Variants in KCNH1 observed in about 807,000 individuals in gnomAD.
The protein encoded by KCNH1 is voltage-gated delayed rectifier potassium channel KCNH1.
In KCNH1, 27 loss-of-function variants were observed where a neutral mutation model predicts 69.2. That is an observed-to-expected ratio of 0.39 (90% CI 0.29 to 0.54). KCNH1 has a LOEUF of 0.54. Among genes scored for constraint, KCNH1 ranks in the 20% least tolerant of loss-of-function variants. The pLI is 0.68. For synonymous variants in KCNH1, 456 were observed against 487.7 expected (o/e 0.93, Z 0.86); for missense variants, 798 against 1,261.6 (o/e 0.63, Z 5.57).
chr1:211,088,846 T>G (rs1250666353), intron 4 of KCNH1, among the ~76,000 whole-genome samples: 1 of 152,184 alleles, frequency 6.6e-6, no homozygotes, highest in Non-Finnish European at 1.5e-5. Context: ...TGTATGTGTG[T>G]GTACCAAAAC....
At chr1:210,892,218 G>GA (rs546343047) in intron 7 of KCNH1, among the ~76,000 whole-genome samples, 3,069 of 144,212 alleles carry the variant, frequency 0.021, 41 homozygotes, top group African/African-American at 0.033. Context: ...ATATATATAT[G>GA]AAAAAAAAAA....
intron 10 of KCNH1, among the ~76,000 whole-genome samples, chr1:210,716,359 A>G (rs1682247199): frequency 1.4e-5 from 2 of 146,658 alleles, no homozygotes; most frequent in African/African-American, 5.1e-5. Context: ...TTGAACCCAG[A>G]AGGCGGAGGT....
chr1:210,708,726 A>G lies in KCNH1; in HGVS notation c.2113-24588T>C, dbSNP rs146381170. Among the ~76,000 whole-genome samples, 20 of 152,260 alleles carry G rather than the reference A, an allele frequency of 1.3e-4. No individual in the cohort carries two copies. In the East Asian group the frequency reaches 3.5e-3, roughly 27 times the overall value. On this transcript the variant is annotated intron_variant, in intron 10 of 10. Coordinates refer to ENST00000271751, the MANE Select transcript of KCNH1 (RefSeq NM_172362.3). ...TAACTGGATTGGGTTAGTTTCTGGGAGGATTTCCTGCTAGGACAGTAAGTG... is the reference window on the plus strand; with the variant it reads ...TAACTGGATTGGGTTAGTTTCTGGGGGGATTTCCTGCTAGGACAGTAAGTG...
chr1:210,958,754 C>T (rs762010834), intron 6 of KCNH1, among the ~76,000 whole-genome samples: 2 of 152,208 alleles, frequency 1.3e-5, no homozygotes, highest in Non-Finnish European at 2.9e-5. Context: ...CGGTTTTCAA[C>T]TCCATCAGGT....
intron 10 of KCNH1, among the ~76,000 whole-genome samples, chr1:210,768,478 C>A (rs1371105102): frequency 6.6e-6 from 1 of 152,154 alleles, no homozygotes; most frequent in Non-Finnish European, 1.5e-5. Flanking sequence ...TCTGCTGCCC[C>A]CATTGCTATG....
At chr1:211,066,059 A>T (rs892617485) in intron 5 of KCNH1, among the ~76,000 whole-genome samples, 8 of 151,870 alleles carry the variant, frequency 5.3e-5, no homozygotes, top group Non-Finnish European at 1.5e-5. Flanking sequence ...CTCTTGTCTT[A>T]AAAAAAAATT....
intron 7 of KCNH1, among the ~76,000 whole-genome samples, chr1:210,848,791 C>T (rs1213629582): frequency 7.9e-5 from 12 of 152,070 alleles, no homozygotes; most frequent in Admixed American, 7.9e-4. Flanking sequence ...ACCAACTGGG[C>T]CCCCATTTCA....
intron 10 of KCNH1, among the ~76,000 whole-genome samples, chr1:210,735,640 C>CA (rs1682859986): frequency 6.6e-6 from 1 of 151,876 alleles, no homozygotes; most frequent in Non-Finnish European, 1.5e-5. Context: ...AGGAGGCTGC[C>CA]AAAAAAGTTT....
intron 1 of KCNH1, among the ~76,000 whole-genome samples, chr1:211,112,500 A>G (rs1174868698): frequency 5.2e-5 from 6 of 114,508 alleles, no homozygotes; most frequent in Admixed American, 1.8e-4. Flanking sequence ...TATTAAATAA[A>G]TAAAAAAAAA....
At chr1:211,075,769 G>A (rs976322317) in intron 5 of KCNH1, among the ~76,000 whole-genome samples, 31 of 152,230 alleles carry the variant, frequency 2.0e-4, no homozygotes, top group African/African-American at 7.5e-4. Flanking sequence ...AGCCGAAGCA[G>A]GGCGGAGCAT....
intron 5 of KCNH1, among the ~76,000 whole-genome samples, chr1:211,062,877 C>A (rs1690454811): frequency 1.3e-5 from 2 of 152,158 alleles, no homozygotes; most frequent in African/African-American, 4.8e-5. Context: ...ATTAGTACAA[C>A]CTCTGTGGAG....
intron 6 of KCNH1, among the ~76,000 whole-genome samples, chr1:211,006,141 A>G (rs1017058438): frequency 6.6e-6 from 1 of 152,212 alleles, no homozygotes; most frequent in African/African-American, 2.4e-5. Flanking sequence ...CATGTATTGC[A>G]ACCACTTTGT....
rs1231157975 is a variant in KCNH1 at position 210,681,118 on chromosome 1, T to TC, written c.*2162_*2163insG. On this transcript the variant is annotated 3_prime_UTR_variant, in exon 11 of 11. Coordinates refer to ENST00000271751, the MANE Select transcript of KCNH1 (RefSeq NM_172362.3). ...GGGGTGATTAGAGGCCTGCCCTGCC[T>TC]TAAAAGTGGTGGGTCCTAAACTTCA... 2 of 152,120 alleles carry TC rather than the reference T, an allele frequency of 1.3e-5. No individual in the cohort carries two copies. The highest frequency in any genetic ancestry group is 6.5e-5 in the Admixed American group (1 of 15,270). 9.4% of individuals were successfully genotyped at this position (152,120 alleles called of 1,614,324 possible).
chr1:210,954,897 T>G (rs191706079), intron 6 of KCNH1, among the ~76,000 whole-genome samples: 1 of 152,360 alleles, frequency 6.6e-6, no homozygotes, highest in African/African-American at 2.4e-5. Context: ...CAGAAGCTCT[T>G]TAGCTTAATT....
chr1:211,100,644 C>G (rs1429664321), intron 3 of KCNH1, among the ~76,000 whole-genome samples: 1 of 152,228 alleles, frequency 6.6e-6, no homozygotes, highest in Non-Finnish European at 1.5e-5. Context: ...AGCCACTGCA[C>G]CCGGCCCCTC....
intron 5 of KCNH1, among the ~76,000 whole-genome samples, chr1:211,078,081 T>C (rs993125992): frequency 6.6e-6 from 1 of 152,186 alleles, no homozygotes; most frequent in Admixed American, 6.5e-5. Flanking sequence ...ATTCTAAATA[T>C]ATATTCACCC....
At chr1:210,867,117 G>A (rs2102489489) in intron 7 of KCNH1, among the ~76,000 whole-genome samples, 1 of 152,026 alleles carries the variant, frequency 6.6e-6, no homozygotes, top group South Asian at 2.1e-4. Flanking sequence ...GGAAATGTGA[G>A]GAGAAATGGA....
At chr1:211,029,446 A>G (rs1689743504) in intron 5 of KCNH1, among the ~76,000 whole-genome samples, 1 of 151,830 alleles carries the variant, frequency 6.6e-6, no homozygotes, top group South Asian at 2.1e-4. Flanking sequence ...CTAATGAAAA[A>G]AACACTCTTA....
intron 2 of KCNH1, among the ~76,000 whole-genome samples, chr1:211,104,622 G>A (rs973127492): frequency 1.3e-5 from 2 of 152,104 alleles, no homozygotes; most frequent in Admixed American, 6.6e-5. Context: ...AATGCCAGAG[G>A]AGGGGGAAAA....
Sources: allele counts gnomAD v4.1 joint callset (sites outside exome capture counted in the v4.1 genomes callset), GRCh38; gene constraint gnomAD v4.1.1; transcripts MANE v1.5; gene names NCBI Gene and HGNC (gene_info 2026-07-23, HGNC 2026-07-21).